ZDHHC6: variants seen among roughly 807,000 people sequenced by gnomAD.
ZDHHC6 encodes the protein palmitoyltransferase ZDHHC6.
ZDHHC6 carries 32 observed loss-of-function variants against 57.8 expected under a neutral mutation model. The observed-to-expected ratio is 0.55, with a 90% CI of 0.42 to 0.74. ZDHHC6 has a LOEUF of 0.74. ZDHHC6 is among the 30% of genes least tolerant of loss of function. ZDHHC6 has a pLI of 0.00. For synonymous variants in ZDHHC6, 128 were observed against 158.0 expected (o/e 0.81, Z 1.42); for missense variants, 433 against 500.7 (o/e 0.86, Z 1.29).
At chr10:112,425,240 A>C in exon 12 of ZDHHC6, 1 of 1,124,748 alleles carries the variant, frequency 8.9e-7, no homozygotes, top group Non-Finnish European at 1.2e-6. Context: ...TGGAGAAATC[A>C]GCTTTAGAGA....
At chr10:112,439,013 A>T (rs1356222265) in intron 5 of ZDHHC6, among the ~76,000 whole-genome samples, 1 of 152,220 alleles carries the variant, frequency 6.6e-6, no homozygotes, top group Non-Finnish European at 1.5e-5. Context: ...AGGCTAGTAG[A>T]CGATAATAAA....
rs777293468 is a variant in ZDHHC6 at position 112,442,195 on chromosome 10, A to C, written c.516T>G (p.His172Gln). The C allele has an allele frequency of 6.2e-7, 1 of 1,602,332 alleles. No homozygotes were observed. The highest frequency in any genetic ancestry group is 1.1e-5 in the South Asian group (1 of 88,206). Reference sequence around the variant, plus strand: ...AAACATTTTCATTTTCACTTACCCGATGATAAAGCTGTGTGTACATAGTCA... The same window carrying C: ...AAACATTTTCATTTTCACTTACCCGCTGATAAAGCTGTGTGTACATAGTCA... ...FVMTMYTQLY[H>Q]RLSFGWNTVK... Residue 172 changes from histidine to glutamine, a missense_variant, in exon 4 of 11, where the codon CAT (histidine) becomes CAG (glutamine). Transcript: ENST00000369405.
chr10:112,445,147 T>C (rs773843242), intron 2 of ZDHHC6, 23 bp downstream of exon 2: 17 of 1,599,956 alleles, frequency 1.1e-5, no homozygotes, highest in African/African-American at 2.7e-5. Context: ...TTAAAGTTCA[T>C]TGTCTTACAG....
chr10:112,432,157 T>C (rs908436958), intron 10 of ZDHHC6, 83 bp downstream of exon 10: 3 of 1,367,650 alleles, frequency 2.2e-6, no homozygotes, highest in Non-Finnish European at 2.0e-6. Flanking sequence ...TTAGGCATGA[T>C]TGGTTTATAA....
At chr10:112,446,031 T>G (rs1484898985) in intron 1 of ZDHHC6, among the ~76,000 whole-genome samples, 1 of 152,202 alleles carries the variant, frequency 6.6e-6, no homozygotes, top group African/African-American at 2.4e-5. Context: ...GCTGAGTGAT[T>G]AGACCAAGGT....
chr10:112,427,779 A>C (rs1028608060), downstream of ZDHHC6: 1 of 153,658 alleles, frequency 6.5e-6, no homozygotes, highest in Non-Finnish European at 1.4e-5. Context: ...TCTACTGTTC[A>C]AACTAAGAGA....
In ZDHHC6 at chr10:112,439,075, C is replaced by T. The variant is rs1589739943; in HGVS notation, c.682-686G>A. Reference sequence around the variant, plus strand: ...AACCAAGAGTTCCCTTAAAGTCTGGCTGTGCCTTCAGAGAGACAGTGTAGT... The same window carrying T: ...AACCAAGAGTTCCCTTAAAGTCTGGTTGTGCCTTCAGAGAGACAGTGTAGT... On this transcript the variant is annotated intron_variant, in intron 5 of 10. Transcript: ENST00000369405. Among the ~76,000 whole-genome samples the T allele has an allele frequency of 2.6e-5, 4 of 152,242 alleles. No individual in the cohort carries two copies. In the South Asian group the frequency reaches 8.3e-4, roughly 32 times the overall value.
At chr10:112,428,546 C>T (rs961779766), downstream of ZDHHC6, 7 of 391,944 alleles carry the variant, frequency 1.8e-5, no homozygotes, top group South Asian at 1.3e-4. Flanking sequence ...CCGAGGCGGA[C>T]GGATCATGAG....
At chr10:112,436,183 A>T (rs567420702) in intron 6 of ZDHHC6, among the ~76,000 whole-genome samples, 1 of 152,308 alleles carries the variant, frequency 6.6e-6, no homozygotes, top group East Asian at 1.9e-4. Flanking sequence ...GAAGTAGATA[A>T]AAAGAAGTCC....
downstream of ZDHHC6, chr10:112,426,564 G>A (rs771999965): frequency 1.5e-5 from 9 of 618,950 alleles, no homozygotes; most frequent in African/African-American, 5.6e-5. Context: ...GGAAAAGATT[G>A]GGAAAGAAGA....
upstream of ZDHHC6, chr10:112,447,268 C>T: frequency 7.9e-7 from 1 of 1,260,854 alleles, no homozygotes; most frequent in Non-Finnish European, 1.1e-6. Context: ...CCGTTCTGCT[C>T]TCGGGGGCAC....
At chr10:112,436,581 A>T (rs1439914174) in intron 6 of ZDHHC6, among the ~76,000 whole-genome samples, 1 of 152,254 alleles carries the variant, frequency 6.6e-6, no homozygotes, top group Non-Finnish European at 1.5e-5. Flanking sequence ...TTTATAGATC[A>T]CTTTGAGTAT....
At chr10:112,437,861 AG>A (rs1845692518) in intron 6 of ZDHHC6, among the ~76,000 whole-genome samples, 1 of 152,218 alleles carries the variant, frequency 6.6e-6, no homozygotes, top group African/African-American at 2.4e-5. Flanking sequence ...AACACAGAGC[AG>A]GGTAGTCAGA....
rs1244134420 is a variant in ZDHHC6, at chr10:112,445,450, A to G, written c.-14T>C. On this transcript the variant is annotated 5_prime_UTR_variant, in exon 2 of 11. Coordinates refer to ENST00000369405, the MANE Select transcript of ZDHHC6 (RefSeq NM_022494.3). ...GAATGTACCCATTTTGGCAAGGAAG[A>G]ATGCCTTCCTACTTTAAAAGAATTA... The G allele has an allele frequency of 6.2e-6, 10 of 1,609,144 alleles. No homozygotes were observed. The highest frequency in any genetic ancestry group is 8.5e-6 in the Non-Finnish European group (10 of 1,176,594).
At chr10:112,434,122 T>C (rs1845293478) in intron 7 of ZDHHC6, among the ~76,000 whole-genome samples, 175 bp downstream of exon 7, 1 of 152,156 alleles carries the variant, frequency 6.6e-6, no homozygotes, top group South Asian at 2.1e-4. Context: ...AAGGAGATAT[T>C]GAAATAAAGG....
At chr10:112,435,159 A>G (rs897594066) in intron 6 of ZDHHC6, among the ~76,000 whole-genome samples, 1 of 152,182 alleles carries the variant, frequency 6.6e-6, no homozygotes, top group African/African-American at 2.4e-5. Flanking sequence ...CCAGGCATTT[A>G]AACTGTTAGC....
At chr10:112,447,001 G>A (rs576600613), upstream of ZDHHC6, 33 of 282,840 alleles carry the variant, frequency 1.2e-4, no homozygotes, top group South Asian at 1.5e-3. Flanking sequence ...AAGCTGCTGT[G>A]CCTTGTAGCG....
intron 5 of ZDHHC6, 118 bp downstream of exon 5, chr10:112,440,416 A>G: frequency 1.7e-6 from 2 of 1,169,594 alleles, no homozygotes; most frequent in Non-Finnish European, 1.2e-6. Flanking sequence ...ACCTAAATGA[A>G]ATAAGCAAAA....
At chr10:112,447,398 GAGC>G (rs757521552), upstream of ZDHHC6, 1 of 1,613,664 alleles carries the variant, frequency 6.2e-7, no homozygotes, top group South Asian at 1.1e-5. Context: ...CGAAGGTTAC[GAGC>G]AGGACTTCGC....
Sources: allele counts gnomAD v4.1 joint callset (sites outside exome capture counted in the v4.1 genomes callset), GRCh38; gene constraint gnomAD v4.1.1; transcripts MANE v1.5; gene names NCBI Gene and HGNC (gene_info 2026-07-23, HGNC 2026-07-21).